Variants in ANKRD11 observed in about 807,000 individuals in gnomAD.
ANKRD11 encodes the protein ankyrin repeat domain-containing protein 11.
In ANKRD11, 17 loss-of-function variants were observed where a neutral mutation model predicts 195.7. The ratio of observed to expected loss-of-function variants is 0.09; its 90% confidence interval spans 0.06 to 0.13. The LOEUF (loss-of-function observed/expected upper bound fraction) is 0.13. ANKRD11 is among the 10% of genes least tolerant of loss of function. The pLI is 1.00. For missense variants in ANKRD11, 3,735 were observed against 3,566.1 expected (o/e 1.05, Z -1.21); for synonymous variants, 1,953 against 1,528.1 (o/e 1.28, Z -6.49).
chr16:89,277,456 TC>T (rs2033751950), intron 9 of ANKRD11: 2 of 152,244 alleles, frequency 1.3e-5, no homozygotes, highest in Admixed American at 6.5e-5. Flanking sequence ...GTGACTTTTT[TC>T]CCCTGTATTT....
intron 2 of ANKRD11, among the ~76,000 whole-genome samples, chr16:89,407,488 T>A (rs1374790298): frequency 6.6e-6 from 1 of 151,954 alleles, no homozygotes; most frequent in Non-Finnish European, 1.5e-5. Context: ...GTTCGCCTCG[T>A]CAGGGCTGTT....
intron 1 of ANKRD11, among the ~76,000 whole-genome samples, chr16:89,453,680 C>A (rs1169084435): frequency 6.6e-6 from 1 of 152,142 alleles, no homozygotes; most frequent in Non-Finnish European, 1.5e-5. Context: ...AAAATACAAG[C>A]ACAGGACACT....
intron 2 of ANKRD11, among the ~76,000 whole-genome samples, chr16:89,411,982 C>G (rs112195866): frequency 2.5e-5 from 3 of 120,508 alleles, no homozygotes; most frequent in African/African-American, 6.5e-5. Context: ...AGGTACTGGG[C>G]TGAGATGCCT....
chr16:89,381,331 CAAAA>C (rs10567322), intron 2 of ANKRD11, among the ~76,000 whole-genome samples: 32,691 of 74,912 alleles, frequency 0.44, 5,661 homozygotes, highest in Middle Eastern at 0.52. Flanking sequence ...GACTCTGCTG[CAAAA>C]AAAAAAAAAA....
At chr16:89,275,237 C>T in intron 9 of ANKRD11, 46 bp from the exon 10 acceptor site, 2 of 1,517,988 alleles carry the variant, frequency 1.3e-6, no homozygotes, top group African/African-American at 1.4e-5. Context: ...GGCTGTGGAA[C>T]TGCACGAAGG....
chr16:89,462,392 G>A (rs1366909763), intron 1 of ANKRD11, among the ~76,000 whole-genome samples: 1 of 152,246 alleles, frequency 6.6e-6, no homozygotes, highest in South Asian at 2.1e-4. Flanking sequence ...CCAGGCTGGA[G>A]TGCAGTGGCA....
intron 4 of ANKRD11, chr16:89,300,780 A>G (rs1216496270): frequency 1.5e-6 from 1 of 677,244 alleles, no homozygotes; most frequent in Non-Finnish European, 2.7e-6. Context: ...CACTGCAGAG[A>G]GCACACCCCA....
chr16:89,424,023 T>C (rs111477164), intron 1 of ANKRD11, among the ~76,000 whole-genome samples: 2,739 of 151,484 alleles, frequency 0.018, 81 homozygotes, highest in African/African-American at 0.063. Context: ...TCCGGGAAGA[T>C]TGTAACCCCA....
chr16:89,304,479 C>T (rs1342143058), intron 4 of ANKRD11, among the ~76,000 whole-genome samples: 2 of 151,874 alleles, frequency 1.3e-5, no homozygotes, highest in South Asian at 2.1e-4. Flanking sequence ...CATGGGCACA[C>T]ATACACGGGC....
intron 2 of ANKRD11, among the ~76,000 whole-genome samples, chr16:89,346,435 T>C (rs568465399): frequency 9.2e-5 from 14 of 152,096 alleles, no homozygotes; most frequent in African/African-American, 2.4e-4. Flanking sequence ...AATAATCACA[T>C]AGAAAATAAC....
chr16:89,284,129 C>G lies in ANKRD11; in HGVS notation c.2413G>C (p.Glu805Gln), dbSNP rs747437062. Residue 805 changes from glutamate to glutamine, a missense_variant, in exon 9 of 13, where the codon GAA becomes CAA. Glu to Gln is a conservative substitution (Grantham distance 29, BLOSUM62 2). Coordinates refer to ENST00000301030, the MANE Select transcript of ANKRD11 (RefSeq NM_013275.6). ...FKEDKEKLKK[E>Q]KVYREDSAFD... ...GCAGAATCTTCCCTATAAACCTTTTCTTTTTTGAGTTTTTCTTTATCTTCT... is the reference window on the plus strand; with the variant it reads ...GCAGAATCTTCCCTATAAACCTTTTGTTTTTTGAGTTTTTCTTTATCTTCT... The G allele has an allele frequency of 6.2e-7, 1 of 1,608,664 alleles. No individual in the cohort carries two copies. The highest frequency in any genetic ancestry group is 1.1e-5 in the South Asian group (1 of 88,998).
chr16:89,405,242 C>T (rs192498757), intron 2 of ANKRD11, among the ~76,000 whole-genome samples: 5 of 152,248 alleles, frequency 3.3e-5, no homozygotes, highest in South Asian at 4.1e-4. Flanking sequence ...ACCACATATG[C>T]GGTCTGTTGT....
At chr16:89,450,224 C>T (rs758707909) in intron 1 of ANKRD11, among the ~76,000 whole-genome samples, 15 of 152,238 alleles carry the variant, frequency 9.9e-5, no homozygotes, top group Non-Finnish European at 1.6e-4. Flanking sequence ...TGGCTCAGAC[C>T]GGGGAGCCAG....
chr16:89,432,312 T>C (rs1478899563), intron 1 of ANKRD11, among the ~76,000 whole-genome samples: 1 of 150,898 alleles, frequency 6.6e-6, no homozygotes, highest in African/African-American at 2.4e-5. Flanking sequence ...GGACGAAAGC[T>C]TCCACTCCTA....
In ANKRD11 at chr16:89,291,872, T is replaced by A; in HGVS notation, c.227-689A>T. The A allele has an allele frequency of 1.2e-6, 1 of 804,412 alleles. No individual in the cohort carries two copies. 49.8% of individuals were successfully genotyped at this position (804,412 alleles called of 1,614,324 possible). On this transcript the variant is annotated intron_variant, in intron 4 of 12. Transcript: ENST00000301030. This position sits in a 1 kb window ranked among gnomAD's most constrained non-coding sequence, Gnocchi z 5.3. ...TCGTAACAAGCACACCCTGCACTCA[T>A]CTGACCCGTTACAGAACACTCGGCT...
intron 6 of ANKRD11, among the ~76,000 whole-genome samples, chr16:89,290,276 AGG>A: frequency 1.3e-5 from 1 of 79,764 alleles, no homozygotes; most frequent in East Asian, 3.1e-4. Flanking sequence ...CAATGGGGGT[AGG>A]CTCAGGGCTC....
intron 2 of ANKRD11, among the ~76,000 whole-genome samples, chr16:89,390,986 T>G (rs2041166906): frequency 6.6e-6 from 1 of 152,132 alleles, no homozygotes; most frequent in Non-Finnish European, 1.5e-5. Flanking sequence ...CACAGCATTT[T>G]GGGAGGCCGA....
chr16:89,394,927 G>A (rs941024449), intron 2 of ANKRD11, among the ~76,000 whole-genome samples: 1 of 152,152 alleles, frequency 6.6e-6, no homozygotes, highest in Non-Finnish European at 1.5e-5. Context: ...ATTCAGAGGC[G>A]ACAGTTTTTC....
intron 2 of ANKRD11, chr16:89,323,697 C>G (rs1320287276): frequency 3.3e-6 from 1 of 304,686 alleles, no homozygotes; most frequent in Non-Finnish European, 6.4e-6. Flanking sequence ...CTCTGTCCAG[C>G]CTCCACACAC....
Sources: gnomAD v4.1 joint callset for allele counts (sites outside exome capture counted in the v4.1 genomes callset) on GRCh38, gnomAD v4.1.1 for gene constraint, Gnocchi (gnomAD v3.1) non-coding constraint, MANE v1.5 for transcripts, NCBI Gene and HGNC (gene_info 2026-07-23, HGNC 2026-07-21) for gene names.